DSE: variants seen among roughly 807,000 people sequenced by gnomAD.
DSE encodes the protein dermatan sulfate epimerase.
A neutral mutation model predicts 84.4 loss-of-function variants in DSE; 36 were observed. The observed-to-expected ratio is 0.43, with a 90% confidence interval of 0.33 to 0.56. The LOEUF (loss-of-function observed/expected upper bound fraction) is 0.56. Ranked by LOEUF, DSE falls within the 20% of genes least tolerant of loss-of-function variation. DSE has a pLI of 0.06. For synonymous variants in DSE, 410 were observed against 430.1 expected, an observed-to-expected ratio of 0.95 and a Z score of 0.58; for missense variants, 862 against 1,169.6, an observed-to-expected ratio of 0.74 and a Z score of 3.84.
intron 2 of DSE, among the ~76,000 whole-genome samples, chr6:116,361,298 A>T (rs1438908932): frequency 6.6e-6 from 1 of 152,064 alleles, no homozygotes; most frequent in African/African-American, 2.4e-5. Flanking sequence ...TGACCTTGTG[A>T]TCTGCCTGCC....
chr6:116,338,701 G>A (rs1387437224), intron 2 of DSE, among the ~76,000 whole-genome samples: 3 of 152,188 alleles, frequency 2.0e-5, no homozygotes, highest in Non-Finnish European at 4.4e-5. Context: ...GTTACCTAAT[G>A]TGCAAAATCC....
At chr6:116,430,873 CAG>C in intron 3 of DSE, 79 bp from the exon 4 acceptor site, 1 of 1,557,884 alleles carries the variant, frequency 6.4e-7, no homozygotes, top group Non-Finnish European at 8.7e-7. Context: ...TTAGATAACT[CAG>C]AGGGTTTTAT....
At chr6:116,338,941 A>G (rs1029016094) in intron 2 of DSE, among the ~76,000 whole-genome samples, 6 of 152,212 alleles carry the variant, frequency 3.9e-5, no homozygotes, top group Non-Finnish European at 8.8e-5. Flanking sequence ...TATGCCTCCA[A>G]ATAGCCAAAC....
intron 1 of DSE, chr6:116,256,630 A>T (rs1307473487): frequency 2.0e-5 from 3 of 152,224 alleles, no homozygotes; most frequent in South Asian, 2.1e-4. Context: ...CAGCTTCTGT[A>T]GCATCTACGA....
chr6:116,288,958 A>G (rs745684612), intron 2 of DSE, among the ~76,000 whole-genome samples: 14 of 152,070 alleles, frequency 9.2e-5, no homozygotes, highest in Non-Finnish European at 1.9e-4. Flanking sequence ...TGTGTTTATA[A>G]TTGGGAGTAT....
chr6:116,325,493 C>T (rs1016090685), intron 2 of DSE, among the ~76,000 whole-genome samples: 2 of 152,200 alleles, frequency 1.3e-5, no homozygotes, highest in African/African-American at 4.8e-5. Context: ...ATCTTGCCTT[C>T]ATCCCCAGAT....
chr6:116,348,919 G>T (rs1301663714), intron 2 of DSE, among the ~76,000 whole-genome samples: 1 of 147,458 alleles, frequency 6.8e-6, no homozygotes, highest in African/African-American at 2.5e-5. Context: ...GGTGGGAATT[G>T]AACAATGAGA....
intron 2 of DSE, among the ~76,000 whole-genome samples, chr6:116,404,987 T>G (rs1435991009): frequency 1.9e-5 from 2 of 104,992 alleles, no homozygotes; most frequent in Admixed American, 8.6e-5. Flanking sequence ...AGTAATTGTG[T>G]TTTTTTTTTT....
chr6:116,432,144 G>C (rs967311507), intron 4 of DSE, among the ~76,000 whole-genome samples: 10 of 152,180 alleles, frequency 6.6e-5, no homozygotes, highest in Non-Finnish European at 1.2e-4. Context: ...GGAGAGGCCT[G>C]TTTTGCAATT....
chr6:116,282,123 G>T (rs2114645938), intron 2 of DSE, among the ~76,000 whole-genome samples: 1 of 152,244 alleles, frequency 6.6e-6, no homozygotes, highest in African/African-American at 2.4e-5. Context: ...AAAAGTCAAG[G>T]TAATCATTTC....
intron 2 of DSE, among the ~76,000 whole-genome samples, chr6:116,332,695 T>C (rs556750258): frequency 6.6e-6 from 1 of 152,274 alleles, no homozygotes; most frequent in Non-Finnish European, 1.5e-5. Flanking sequence ...AGGAAAAGAC[T>C]GATACTTAGA....
In DSE at chr6:116,425,610, TTTA is replaced by T. The variant is rs747159345; in HGVS notation, c.417-961_417-959del. On this transcript the variant is annotated intron_variant, in intron 2 of 5. Transcript: ENST00000644252. ...TAATTCTTTTTTTTATTTTATTTTA[TTTA>T]TTTTTATTTTATTTTATTTTTTTTT... Among the ~76,000 whole-genome samples the T allele has an allele frequency of 2.0e-3, 163 of 82,950 alleles. 1 individual carries two copies. Among genetic ancestry groups the T allele is most frequent in the Admixed American group, 0.01 (65 of 6,320 alleles). The allele number at this position is 82,950 out of a possible 152,430, so 54.4% of individuals were successfully genotyped here.
chr6:116,437,428 G>A lies in DSE; in HGVS notation c.*83G>A. On this transcript the variant is annotated 3_prime_UTR_variant, in exon 6 of 6. Coordinates refer to ENST00000644252, the MANE Select transcript of DSE (RefSeq NM_013352.4). ...AAAATTTCTTTACCCCAGATTATCA[G>A]ATTTTTTTCCCTCAGATTCATTTTA... 7.8e-7 allele frequency: 1 copy of A among 1,276,610 alleles called. No homozygotes were observed. Among genetic ancestry groups the A allele is most frequent in the Non-Finnish European group, 1.0e-6 (1 of 955,068 alleles). 79.1% of individuals were successfully genotyped at this position (1,276,610 alleles called of 1,614,324 possible). A position where few individuals can be genotyped will look rare whatever the true frequency, so the allele number is the denominator to read the frequency against.
Position 116,437,395 on chromosome 6 carries a change from CAAA to C in DSE, c.*59_*61del. ...CATTTTGTGATCACAAGAGTCTATG[CAAA>C]AAAAAAAATTTCTTTACCCCAGATT... On this transcript the variant is annotated 3_prime_UTR_variant, in exon 6 of 6. Transcript: ENST00000644252. 8.5e-7 allele frequency: 1 copy of C among 1,177,498 alleles called. No homozygotes were observed. The highest frequency in any genetic ancestry group is 1.1e-6 in the Non-Finnish European group (1 of 896,064). The allele number at this position is 1,177,498 out of a possible 1,614,324, so 72.9% of individuals were successfully genotyped here. A position where few individuals can be genotyped will look rare whatever the true frequency, so the allele number is the denominator to read the frequency against.
chr6:116,394,215 T>G (rs561298867), intron 1 of DSE, among the ~76,000 whole-genome samples: 1 of 152,364 alleles, frequency 6.6e-6, no homozygotes, highest in East Asian at 1.9e-4. Flanking sequence ...ACGAAGTTTT[T>G]CTGTGTGACT....
intron 5 of DSE, among the ~76,000 whole-genome samples, chr6:116,434,931 T>G (rs1415559780): frequency 6.6e-6 from 1 of 152,176 alleles, no homozygotes; most frequent in Non-Finnish European, 1.5e-5. Context: ...CATCTGCAGA[T>G]TAAAACAAAA....
At chr6:116,290,583 A>G (rs1774217844) in intron 2 of DSE, among the ~76,000 whole-genome samples, 1 of 151,958 alleles carries the variant, frequency 6.6e-6, no homozygotes, top group Admixed American at 6.6e-5. Flanking sequence ...GAGCTCTAGC[A>G]AATAAATATT....
chr6:116,388,645 T>C (rs1780707384), intron 1 of DSE, among the ~76,000 whole-genome samples: 1 of 152,246 alleles, frequency 6.6e-6, no homozygotes, highest in Admixed American at 6.5e-5. Context: ...TGTATTTTGA[T>C]TAAACATCAA....
At chr6:116,279,590 G>C in intron 2 of DSE, 1 of 1,602,322 alleles carries the variant, frequency 6.2e-7, no homozygotes, top group Non-Finnish European at 8.5e-7. Flanking sequence ...CGGATCTGGG[G>C]AGTACCGCCA....
Sources: allele counts gnomAD v4.1 joint callset (sites outside exome capture counted in the v4.1 genomes callset), GRCh38; gene constraint gnomAD v4.1.1; transcripts MANE v1.5; gene names NCBI Gene and HGNC (gene_info 2026-07-23, HGNC 2026-07-21).